The following MARCHF1 variants were observed in gnomAD, a reference collection of about 807,000 sequenced individuals.
The protein encoded by MARCHF1 is E3 ubiquitin-protein ligase MARCHF1.
Under a neutral mutation model 54.2 loss-of-function variants are expected in MARCHF1, and 40 were observed. That is an observed-to-expected ratio of 0.74 (90% confidence interval 0.57 to 0.96). MARCHF1 has a LOEUF of 0.96. Among genes scored for constraint, MARCHF1 ranks in the 40% least tolerant of loss-of-function variants. The pLI is 0.00. For synonymous variants in MARCHF1, 236 were observed against 236.3 expected (o/e 1.00, Z 0.01); for missense variants, 586 against 656.5 (o/e 0.89, Z 1.17).
At chr4:164,220,703 A>G (rs1467041753) in intron 1 of MARCHF1, among the ~76,000 whole-genome samples, 1 of 146,892 alleles carries the variant, frequency 6.8e-6, no homozygotes, top group East Asian at 2.0e-4. Flanking sequence ...CTATATATGT[A>G]TATATGTAAT....
chr4:163,945,117 C>T (rs1560830505), intron 3 of MARCHF1, among the ~76,000 whole-genome samples: 1 of 152,128 alleles, frequency 6.6e-6, no homozygotes, highest in African/African-American at 2.4e-5. Context: ...AATTCCTATG[C>T]TAGCCTCTAC....
At chr4:164,125,437 G>A (rs1756159607) in intron 1 of MARCHF1, among the ~76,000 whole-genome samples, 2 of 152,130 alleles carry the variant, frequency 1.3e-5, no homozygotes, top group African/African-American at 4.8e-5. Flanking sequence ...ATACTTCATT[G>A]AGGACCAAGT....
chr4:163,694,097 C>T (rs1484063186), intron 5 of MARCHF1, among the ~76,000 whole-genome samples: 3 of 152,132 alleles, frequency 2.0e-5, no homozygotes, highest in Admixed American at 6.6e-5. Context: ...AGAGCCCATT[C>T]GGCTAATCAA....
intron 4 of MARCHF1, among the ~76,000 whole-genome samples, chr4:163,802,922 G>A (rs1038988835): frequency 3.3e-5 from 5 of 151,996 alleles, no homozygotes; most frequent in Non-Finnish European, 5.9e-5. Context: ...CTTTCACATC[G>A]CAGAAATGAC....
intron 2 of MARCHF1, among the ~76,000 whole-genome samples, chr4:164,052,303 G>A (rs1754389484): frequency 6.6e-6 from 1 of 151,888 alleles, no homozygotes; most frequent in Admixed American, 6.6e-5. Context: ...AGGGTGAGGT[G>A]GGTGGATCAA....
At chr4:163,904,763 A>AGACAGAGACAGAGAC (rs374872263) in intron 3 of MARCHF1, among the ~76,000 whole-genome samples, 3 of 151,466 alleles carry the variant, frequency 2.0e-5, no homozygotes, top group Non-Finnish European at 4.4e-5. Context: ...AGGAGAGAGA[A>AGACAGAGACAGAGAC]AGAGACAGAG....
chr4:164,020,786 C>A (rs1319327181), intron 2 of MARCHF1, among the ~76,000 whole-genome samples: 1 of 152,112 alleles, frequency 6.6e-6, no homozygotes, highest in African/African-American at 2.4e-5. Flanking sequence ...CAAAACTTAG[C>A]CACACATGAT....
chr4:164,342,705 G>T (rs972910760), intron 1 of MARCHF1, among the ~76,000 whole-genome samples: 1 of 151,766 alleles, frequency 6.6e-6, no homozygotes, highest in African/African-American at 2.4e-5. Flanking sequence ...CAAGATATGG[G>T]AAAAAAACAA....
At chr4:163,769,382 T>C (rs528631142) in intron 4 of MARCHF1, among the ~76,000 whole-genome samples, 110 of 152,176 alleles carry the variant, frequency 7.2e-4, no homozygotes, top group Non-Finnish European at 1.1e-3. Flanking sequence ...TACTATAAAA[T>C]TGAATGTTTT....
chr4:163,833,378 A>G (rs1012067281), intron 4 of MARCHF1, among the ~76,000 whole-genome samples: 178 of 152,328 alleles, frequency 1.2e-3, no homozygotes, highest in African/African-American at 4.0e-3. Flanking sequence ...GGATCTAATT[A>G]AACTAAAGAG....
intron 3 of MARCHF1, among the ~76,000 whole-genome samples, chr4:163,871,849 A>C (rs927393750): frequency 2.6e-5 from 4 of 152,190 alleles, no homozygotes; most frequent in Non-Finnish European, 4.4e-5. Flanking sequence ...CGAGTATTCC[A>C]AAATCAAATG....
intron 7 of MARCHF1, among the ~76,000 whole-genome samples, chr4:163,593,857 C>T (rs1740671254): frequency 6.6e-6 from 1 of 152,172 alleles, no homozygotes; most frequent in South Asian, 2.1e-4. Context: ...GAATGATCAA[C>T]TTTTATTCAT....
intron 4 of MARCHF1, among the ~76,000 whole-genome samples, chr4:163,783,828 G>A (rs1319095795): frequency 6.6e-6 from 1 of 152,064 alleles, no homozygotes; most frequent in Non-Finnish European, 1.5e-5. Context: ...GCAGGTAGTA[G>A]CAGCCAACAC....
intron 2 of MARCHF1, among the ~76,000 whole-genome samples, chr4:164,027,291 A>G (rs1301227017): frequency 2.0e-5 from 3 of 150,550 alleles, no homozygotes; most frequent in African/African-American, 7.3e-5. Context: ...AATCCTAAGC[A>G]TAAAGAACAA....
chr4:164,071,182 T>C (rs540746556), intron 2 of MARCHF1, among the ~76,000 whole-genome samples: 4 of 152,334 alleles, frequency 2.6e-5, no homozygotes, highest in African/African-American at 9.6e-5. Flanking sequence ...TAAAAACTAG[T>C]AAGCAAGCAG....
intron 2 of MARCHF1, among the ~76,000 whole-genome samples, chr4:164,062,045 C>A (rs1379027125): frequency 1.3e-5 from 2 of 152,182 alleles, no homozygotes; most frequent in African/African-American, 2.4e-5. Context: ...ACCTCTTAAG[C>A]CCTCCTGCTG....
At chr4:163,989,301 G>C (rs1188852545) in intron 2 of MARCHF1, among the ~76,000 whole-genome samples, 2 of 152,190 alleles carry the variant, frequency 1.3e-5, no homozygotes, top group East Asian at 3.9e-4. Context: ...GAGAGAGAGA[G>C]AGAGAGAGAG....
chr4:164,223,380 A>G (rs2111158359), intron 1 of MARCHF1, among the ~76,000 whole-genome samples: 1 of 152,112 alleles, frequency 6.6e-6, no homozygotes, highest in South Asian at 2.1e-4. Flanking sequence ...TATGGTGACA[A>G]TTGTGGCTGT....
Position 163,748,190 on chromosome 4 carries a change from C to T in MARCHF1, c.112-47327G>A, listed in dbSNP as rs569829758. Reference sequence around the variant, plus strand: ...AGAACAGCTACCTTCAGCTATTCTCCCCCTGGGGCTCTACAGAACCTTCTG... The same window carrying T: ...AGAACAGCTACCTTCAGCTATTCTCTCCCTGGGGCTCTACAGAACCTTCTG... On this transcript the variant is annotated intron_variant, in intron 4 of 9. Transcript: ENST00000514618. 2.7e-4 allele frequency among the ~76,000 whole-genome samples: 41 copies of T among 152,256 alleles called. 1 individual carries two copies. The South Asian group carries it at 8.1e-3, about 30-fold the overall frequency.
Sources: allele counts gnomAD v4.1 joint callset (sites outside exome capture counted in the v4.1 genomes callset), GRCh38; gene constraint gnomAD v4.1.1; transcripts MANE v1.5; gene names NCBI Gene and HGNC (gene_info 2026-07-23, HGNC 2026-07-21).